The following TMEM163 variants were observed in gnomAD, a reference collection of about 807,000 sequenced individuals.
TMEM163 encodes transmembrane protein 163.
A neutral mutation model predicts 29.3 loss-of-function variants in TMEM163; 17 were observed. The observed-to-expected ratio is 0.58, with a 90% CI of 0.40 to 0.87. The LOEUF (loss-of-function observed/expected upper bound fraction) is 0.87. Ranked by LOEUF, TMEM163 falls within the 40% of genes least tolerant of loss-of-function variation. TMEM163 has a pLI of 0.00. For synonymous variants in TMEM163, 157 were observed against 160.6 expected (o/e 0.98, Z 0.17); for missense variants, 303 against 381.5 (o/e 0.79, Z 1.71).
intron 2 of TMEM163, among the ~76,000 whole-genome samples, chr2:134,563,083 C>G (rs953799623): frequency 5.3e-5 from 8 of 152,178 alleles, no homozygotes; most frequent in African/African-American, 1.9e-4. Context: ...ACCCCTGGAC[C>G]CTTTCCTGAT....
chr2:134,692,708 AATCCC>A (rs1159031699), intron 2 of TMEM163, among the ~76,000 whole-genome samples: 1 of 152,144 alleles, frequency 6.6e-6, no homozygotes, highest in East Asian at 1.9e-4. Context: ...ATAAGTGCAC[AATCCC>A]ATCACGAGAG....
At chr2:134,685,104 C>T (rs532898591) in intron 2 of TMEM163, among the ~76,000 whole-genome samples, 1 of 152,272 alleles carries the variant, frequency 6.6e-6, no homozygotes, top group Admixed American at 6.5e-5. Flanking sequence ...CCCTTGGGTG[C>T]TGAGTTGACA....
intron 2 of TMEM163, among the ~76,000 whole-genome samples, chr2:134,643,480 AT>A (rs1412401854): frequency 6.6e-6 from 1 of 152,108 alleles, no homozygotes; most frequent in Non-Finnish European, 1.5e-5. Flanking sequence ...TTCTTACATT[AT>A]TTTATGAGGT....
chr2:134,550,482 C>T lies in TMEM163; in HGVS notation c.458+88G>A, dbSNP rs907565203. The T allele has an allele frequency of 2.3e-6, 3 of 1,290,890 alleles. No homozygotes were observed. In the Middle Eastern group the frequency reaches 6.5e-4, roughly 278 times the overall value. 80.0% of individuals were successfully genotyped at this position (1,290,890 alleles called of 1,614,324 possible). ...CTTCTTCTCATCACTGGGACAAAAG[C>T]TGCAGGGCAAGCTGTGTTGAGGGCC... On this transcript the variant is annotated intron_variant, in intron 4 of 7. Coordinates refer to ENST00000281924, the MANE Select transcript of TMEM163 (RefSeq NM_030923.5).
chr2:134,523,522 C>T (rs1680230649), intron 4 of TMEM163, among the ~76,000 whole-genome samples: 1 of 152,090 alleles, frequency 6.6e-6, no homozygotes, highest in South Asian at 2.1e-4. Context: ...ACTGAGAAAA[C>T]CTAGAAAAGC....
chr2:134,516,421 C>T (rs993329591), intron 4 of TMEM163, among the ~76,000 whole-genome samples: 12 of 151,716 alleles, frequency 7.9e-5, no homozygotes, highest in African/African-American at 2.4e-4. Flanking sequence ...ATTAGTGAGG[C>T]GTGGTGGTGG....
chr2:134,477,133 C>T (rs759535719), intron 5 of TMEM163, among the ~76,000 whole-genome samples: 2 of 152,152 alleles, frequency 1.3e-5, no homozygotes, highest in African/African-American at 2.4e-5. Flanking sequence ...TCAGGGAGAA[C>T]GTTGTGTTGC....
chr2:134,699,494 G>C (rs757715359), intron 2 of TMEM163, among the ~76,000 whole-genome samples: 1 of 149,488 alleles, frequency 6.7e-6, no homozygotes, highest in Non-Finnish European at 1.5e-5. Context: ...ACAAAGCAAG[G>C]CTCAATCTCA....
At chr2:134,534,025 A>G (rs1218817023) in intron 4 of TMEM163, among the ~76,000 whole-genome samples, 2 of 151,916 alleles carry the variant, frequency 1.3e-5, no homozygotes, top group African/African-American at 4.8e-5. Flanking sequence ...TGTTTCCTTC[A>G]CAGCTCTGCC....
At chr2:134,561,265 G>A (rs1182186771) in intron 2 of TMEM163, among the ~76,000 whole-genome samples, 1 of 152,306 alleles carries the variant, frequency 6.6e-6, no homozygotes, top group African/African-American at 2.4e-5. Flanking sequence ...GCGCAGTGAC[G>A]CCATCTTGGC....
chr2:134,674,312 C>T (rs919860326), intron 2 of TMEM163, among the ~76,000 whole-genome samples: 16 of 150,010 alleles, frequency 1.1e-4, no homozygotes, highest in Admixed American at 2.0e-4. Flanking sequence ...AGGATGTGAA[C>T]GTTGTCAAAA....
intron 2 of TMEM163, among the ~76,000 whole-genome samples, chr2:134,561,505 C>T (rs1394478921): frequency 6.6e-6 from 1 of 152,094 alleles, no homozygotes; most frequent in African/African-American, 2.4e-5. Flanking sequence ...CACCACCACG[C>T]CCGGCTAATT....
rs58851155 is a variant in TMEM163, at chr2:134,546,643, C to CAA, written c.458+3925_458+3926dup. Among the ~76,000 whole-genome samples the CAA allele has an allele frequency of 5.2e-3, 439 of 84,320 alleles. 7 individuals carry two copies. Among genetic ancestry groups the CAA allele is most frequent in the African/African-American group, 0.018 (392 of 22,026 alleles). 55.3% of individuals were successfully genotyped at this position (84,320 alleles called of 152,430 possible). ...TGGGTGACAGAGCCAGGCTCCATCT[C>CAA]AAAAAAAAAAAAAAAAAAAATTAGC... On this transcript the variant is annotated intron_variant, in intron 4 of 7. Transcript: ENST00000281924.
chr2:134,605,889 C>T (rs1470490761), intron 2 of TMEM163, among the ~76,000 whole-genome samples: 4 of 152,012 alleles, frequency 2.6e-5, no homozygotes, highest in Non-Finnish European at 1.5e-5. Context: ...GAGTAGGATG[C>T]CATGTTAGAA....
chr2:134,583,238 T>G (rs1681735313), intron 2 of TMEM163, among the ~76,000 whole-genome samples: 1 of 152,214 alleles, frequency 6.6e-6, no homozygotes, highest in South Asian at 2.1e-4. Flanking sequence ...TCTTTGTGCC[T>G]TGGTTTCCTT....
chr2:134,506,821 C>T (rs1047962814), intron 4 of TMEM163, among the ~76,000 whole-genome samples: 10 of 152,176 alleles, frequency 6.6e-5, no homozygotes, highest in African/African-American at 1.9e-4. Flanking sequence ...GGACCAGAGA[C>T]GGGTGGGGGC....
intron 2 of TMEM163, among the ~76,000 whole-genome samples, chr2:134,593,330 AGAGCACAGCCT>A (rs1183737382): frequency 1.3e-5 from 2 of 152,194 alleles, no homozygotes; most frequent in Admixed American, 6.5e-5. Flanking sequence ...CCCTTTCTGT[AGAGCACAGCCT>A]GACAGCTACA....
intron 2 of TMEM163, among the ~76,000 whole-genome samples, chr2:134,631,914 G>A (rs959293210): frequency 1.4e-4 from 22 of 152,194 alleles, no homozygotes; most frequent in African/African-American, 4.8e-4. Flanking sequence ...TATTTAAGCA[G>A]AGAAGATTTC....
chr2:134,615,126 A>C (rs1392578792), intron 2 of TMEM163, among the ~76,000 whole-genome samples: 1 of 152,204 alleles, frequency 6.6e-6, no homozygotes, highest in Non-Finnish European at 1.5e-5. Flanking sequence ...ATTATGAAAA[A>C]AACTATGGAT....
Sources: gnomAD v4.1 joint callset for allele counts (sites outside exome capture counted in the v4.1 genomes callset) on GRCh38, gnomAD v4.1.1 for gene constraint, MANE v1.5 for transcripts, NCBI Gene and HGNC (gene_info 2026-07-23, HGNC 2026-07-21) for gene names.